Variants in GPC5 observed in about 807,000 individuals in gnomAD.
The protein encoded by GPC5 is glypican 5, also known as glypican-5.
In GPC5, 47 loss-of-function variants were observed where a neutral mutation model predicts 53.9. That is an observed-to-expected ratio of 0.87 (90% CI 0.69 to 1.11). GPC5 has a LOEUF of 1.11. Among genes scored for constraint, GPC5 ranks in the 50% most tolerant of loss-of-function variants. GPC5 has a pLI of 0.00. For synonymous variants in GPC5, 286 were observed against 263.3 expected, an observed-to-expected ratio of 1.09 and a Z score of -0.84; for missense variants, 748 against 713.1, an observed-to-expected ratio of 1.05 and a Z score of -0.56.
chr13:92,154,076 T>C (rs571694070), intron 7 of GPC5, among the ~76,000 whole-genome samples: 21 of 152,184 alleles, frequency 1.4e-4, no homozygotes, highest in Non-Finnish European at 3.1e-4. Context: ...TAGCTCCTGG[T>C]GAGGCCTCAG....
At chr13:91,569,230 G>T (rs1438434966) in intron 2 of GPC5, among the ~76,000 whole-genome samples, 1 of 152,102 alleles carries the variant, frequency 6.6e-6, no homozygotes, top group Non-Finnish European at 1.5e-5. Flanking sequence ...AATTAGTGAG[G>T]AAAGATATTT....
chr13:92,324,847 T>A (rs2043239727), intron 7 of GPC5, among the ~76,000 whole-genome samples: 1 of 151,932 alleles, frequency 6.6e-6, no homozygotes, highest in Admixed American at 6.6e-5. Context: ...TAAAAGGAGA[T>A]GGACTTCGAC....
At chr13:92,754,458 G>T (rs1188622730) in intron 7 of GPC5, among the ~76,000 whole-genome samples, 1 of 151,846 alleles carries the variant, frequency 6.6e-6, no homozygotes, top group African/African-American at 2.4e-5. Context: ...CATAATGACA[G>T]GATCAAATTC....
intron 2 of GPC5, among the ~76,000 whole-genome samples, chr13:91,497,967 C>T (rs1186132163): frequency 1.3e-5 from 2 of 152,064 alleles, no homozygotes; most frequent in Non-Finnish European, 2.9e-5. Flanking sequence ...GCCATTTCCC[C>T]TACTTTTGAT....
chr13:92,645,825 G>A (rs924847796), intron 7 of GPC5, among the ~76,000 whole-genome samples: 1 of 151,354 alleles, frequency 6.6e-6, no homozygotes, highest in South Asian at 2.1e-4. Context: ...TTGGTTTTTG[G>A]TGAAGTGTCT....
chr13:91,719,745 G>A (rs551754717), intron 3 of GPC5, among the ~76,000 whole-genome samples: 1 of 152,028 alleles, frequency 6.6e-6, no homozygotes, highest in Non-Finnish European at 1.5e-5. Flanking sequence ...GCCAATTTTA[G>A]AATAAAATAT....
chr13:91,478,822 T>TATATATATATATATACACAC (rs1323023652), intron 2 of GPC5, among the ~76,000 whole-genome samples: 24 of 92,128 alleles, frequency 2.6e-4, no homozygotes, highest in African/African-American at 1.1e-3. Flanking sequence ...TATATATATA[T>TATATATATATATATACACAC]ACACACACAC....
intron 2 of GPC5, among the ~76,000 whole-genome samples, chr13:91,653,881 A>G (rs1003695966): frequency 1.3e-5 from 2 of 152,178 alleles, no homozygotes; most frequent in Non-Finnish European, 2.9e-5. Context: ...AGCAAGTAAA[A>G]TCATCATCAA....
At chr13:91,928,381 T>C (rs146820772) in intron 6 of GPC5, among the ~76,000 whole-genome samples, 1 of 152,336 alleles carries the variant, frequency 6.6e-6, no homozygotes, top group African/African-American at 2.4e-5. Context: ...TAACTCTATA[T>C]GACTCCATAA....
intron 7 of GPC5, among the ~76,000 whole-genome samples, chr13:92,198,312 G>A (rs2042271444): frequency 6.6e-6 from 1 of 152,082 alleles, no homozygotes; most frequent in Non-Finnish European, 1.5e-5. Context: ...TTTAACCTAG[G>A]ATGGAGCCTG....
chr13:92,520,091 T>A (rs1163644727), intron 7 of GPC5, among the ~76,000 whole-genome samples: 1 of 152,068 alleles, frequency 6.6e-6, no homozygotes, highest in African/African-American at 2.4e-5. Flanking sequence ...AGAAGTTGAA[T>A]CCCTGAATAG....
intron 7 of GPC5, among the ~76,000 whole-genome samples, chr13:92,400,016 T>C (rs1297686799): frequency 1.3e-5 from 2 of 152,122 alleles, no homozygotes; most frequent in East Asian, 3.9e-4. Flanking sequence ...AAAAGATCAT[T>C]CAAATTTGCA....
Position 91,399,181 on chromosome 13 carries a change from C to A in GPC5, c.135C>A (p.Val45=). The part of the protein sequence containing the change: ...KLFQWRLLGA[V]RGLPDSPRAG... Reference sequence around the variant, plus strand: ...TCCAGTGGCGGCTGCTGGGAGCTGTCAGGGGGCTGCCGGATTCGCCGCGGG... The same window carrying A: ...TCCAGTGGCGGCTGCTGGGAGCTGTAAGGGGGCTGCCGGATTCGCCGCGGG... Residue 45 remains valine (V), a synonymous_variant, in exon 1 of 8, where the codon GTC becomes GTA. Coordinates refer to ENST00000377067, the MANE Select transcript of GPC5 (RefSeq NM_004466.6). The A allele has an allele frequency of 6.2e-7, 1 of 1,612,562 alleles. No individual in the cohort carries two copies.
intron 7 of GPC5, among the ~76,000 whole-genome samples, chr13:92,276,740 C>T (rs1377047938): frequency 6.6e-6 from 1 of 152,034 alleles, no homozygotes; most frequent in South Asian, 2.1e-4. Context: ...TATTACTATA[C>T]AATATCCTAA....
intron 2 of GPC5, among the ~76,000 whole-genome samples, chr13:91,526,139 AATTTGGTC>A (rs1372919335): frequency 2.0e-5 from 3 of 152,172 alleles, no homozygotes; most frequent in African/African-American, 7.2e-5. Flanking sequence ...ATACGATCTG[AATTTGGTC>A]ATTTAAAGGA....
chr13:91,452,253 G>C (rs1276218102), intron 2 of GPC5, among the ~76,000 whole-genome samples: 2 of 151,994 alleles, frequency 1.3e-5, no homozygotes, highest in Non-Finnish European at 2.9e-5. Context: ...CGAAGTGCTG[G>C]GATTATAGGC....
chr13:92,366,715 T>C (rs2043610176), intron 7 of GPC5, among the ~76,000 whole-genome samples: 1 of 152,338 alleles, frequency 6.6e-6, no homozygotes, highest in African/African-American at 2.4e-5. Context: ...AGAGGATCAC[T>C]TTCCTTCATA....
At chr13:91,647,811 C>G (rs1480043107) in intron 2 of GPC5, among the ~76,000 whole-genome samples, 1 of 152,186 alleles carries the variant, frequency 6.6e-6, no homozygotes, top group Non-Finnish European at 1.5e-5. Flanking sequence ...TGGCACATCC[C>G]CTAATAACAT....
intron 5 of GPC5, among the ~76,000 whole-genome samples, chr13:91,805,167 A>G (rs1226394929): frequency 6.6e-6 from 1 of 152,152 alleles, no homozygotes; most frequent in Non-Finnish European, 1.5e-5. Flanking sequence ...TTTTAAACAC[A>G]TTTTTAAAGA....
Sources: allele counts gnomAD v4.1 joint callset (sites outside exome capture counted in the v4.1 genomes callset), GRCh38; gene constraint gnomAD v4.1.1; transcripts MANE v1.5; gene names NCBI Gene and HGNC (gene_info 2026-07-23, HGNC 2026-07-21).